GATAD1: variants seen among roughly 807,000 people sequenced by gnomAD.
GATAD1 encodes the protein GATA zinc finger domain containing 1.
In GATAD1, 12 loss-of-function variants were observed where a neutral mutation model predicts 26.5. The ratio of observed to expected loss-of-function variants is 0.45; its 90% CI spans 0.29 to 0.73. The LOEUF (loss-of-function observed/expected upper bound fraction) is 0.73, where lower values mean the gene tolerates loss of function less well. Among genes scored for constraint, GATAD1 ranks in the 30% least tolerant of loss-of-function variants. GATAD1 has a pLI of 0.10. For missense variants in GATAD1, 266 were observed against 342.1 expected (o/e 0.78, Z 1.75); for synonymous variants, 129 against 133.1 (o/e 0.97, Z 0.21).
At chr7:92,460,455 T>G (rs1250321729), downstream of GATAD1, among the ~76,000 whole-genome samples, 1 of 151,414 alleles carries the variant, frequency 6.6e-6, no homozygotes, top group Non-Finnish European at 1.5e-5. Context: ...CCACAAGAGG[T>G]GGGCCATTAA....
At chr7:92,466,595 T>C in the GATAD1 span, among the ~76,000 whole-genome samples, 1 of 152,184 alleles carries the variant, frequency 6.6e-6, no homozygotes, top group African/African-American at 2.4e-5. Context: ...AAAAATTAAA[T>C]GAGAATGTGA....
chr7:92,452,647 G>C lies in GATAD1; in HGVS notation c.436-1855G>C, dbSNP rs185619015. Among the ~76,000 whole-genome samples, 239 of 152,360 alleles carry C rather than the reference G, an allele frequency of 1.6e-3. 3 individuals are homozygous for C. The highest frequency in any genetic ancestry group is 5.6e-3 in the African/African-American group (232 of 41,584). On this transcript the variant is annotated intron_variant, in intron 3 of 4. Coordinates refer to ENST00000287957, the MANE Select transcript of GATAD1 (RefSeq NM_021167.5). ...CTTGAATCCTCTCAGCAAATGAGGA[G>C]ACTACTCAGATCAGTGACTTAGTCC...
At chr7:92,462,988 C>G (rs1460806395), downstream of GATAD1, 5 of 152,174 alleles carry the variant, frequency 3.3e-5, no homozygotes, top group Non-Finnish European at 7.3e-5. Flanking sequence ...AGAAACAACA[C>G]AAGGACCCAT....
the GATAD1 span, chr7:92,489,668 T>A: frequency 1.1e-4 from 173 of 1,551,230 alleles, no homozygotes; most frequent in Admixed American, 1.5e-3. Context: ...GGTGAAACAA[T>A]TTTTAAGAAG....
chr7:92,488,104 T>C, the GATAD1 span, among the ~76,000 whole-genome samples: 3 of 152,218 alleles, frequency 2.0e-5, no homozygotes, highest in Non-Finnish European at 2.9e-5. Flanking sequence ...AGCTACACTA[T>C]AAAATGACAT....
At chr7:92,460,774 C>G, downstream of GATAD1, among the ~76,000 whole-genome samples, 1 of 117,864 alleles carries the variant, frequency 8.5e-6, no homozygotes, top group South Asian at 2.9e-4. Context: ...GAGACCTTCT[C>G]TCAAAAAAAA....
At chr7:92,478,875 C>T in the GATAD1 span, among the ~76,000 whole-genome samples, 4 of 152,340 alleles carry the variant, frequency 2.6e-5, no homozygotes, top group Admixed American at 6.5e-5. Context: ...TCATGGCCCC[C>T]TCCAGATAAT....
Position 92,457,589 on chromosome 7 carries a change from G to A in GATAD1, c.*1027G>A, listed in dbSNP as rs1789735268. The A allele has an allele frequency of 6.6e-6, 1 of 152,184 alleles. No homozygotes were observed. Among genetic ancestry groups the A allele is most frequent in the African/African-American group, 2.4e-5 (1 of 41,438 alleles). The allele number at this position is 152,184 out of a possible 1,614,324, so 9.4% of individuals were successfully genotyped here. A position where few individuals can be genotyped will look rare whatever the true frequency, so the allele number is the denominator to read the frequency against. On this transcript the variant is annotated 3_prime_UTR_variant, in exon 5 of 5. Transcript: ENST00000287957. Reference sequence around the variant, plus strand: ...ATTTCCAGAGAGACCATTAGGAACAGGTAGTATCTATTTTTCTCCATTATT... The same window carrying A: ...ATTTCCAGAGAGACCATTAGGAACAAGTAGTATCTATTTTTCTCCATTATT...
At chr7:92,487,670 T>G in the GATAD1 span, 1 of 472,954 alleles carries the variant, frequency 2.1e-6, no homozygotes, top group Non-Finnish European at 3.7e-6. Context: ...AAAAAAAAAT[T>G]CCAGTCACAG....
the GATAD1 span, chr7:92,469,809 G>C: frequency 1.3e-6 from 1 of 767,960 alleles, no homozygotes; most frequent in African/African-American, 1.7e-5. Context: ...TGAAGTTCAG[G>C]GGGAGGCATA....
Position 92,458,339 on chromosome 7 carries a change from A to G in GATAD1, c.*1777A>G, listed in dbSNP as rs893984226. 1 of 152,196 alleles carries G rather than the reference A, an allele frequency of 6.6e-6. No homozygotes were observed. Among genetic ancestry groups the G allele is most frequent in the African/African-American group, 2.4e-5 (1 of 41,442 alleles). The allele number at this position is 152,196 out of a possible 1,614,324, so 9.4% of individuals were successfully genotyped here. The stretch of plus-strand genomic sequence containing the variant: ...ATGTCGAGATCAGGCTTCCTGCTTG[A>G]TAGTCTCTTGACTACCATTAAAACG... On this transcript the variant is annotated 3_prime_UTR_variant, in exon 5 of 5. Coordinates refer to ENST00000287957, the MANE Select transcript of GATAD1 (RefSeq NM_021167.5).
chr7:92,462,255 T>G (rs553824947), downstream of GATAD1, among the ~76,000 whole-genome samples: 4 of 152,148 alleles, frequency 2.6e-5, no homozygotes, highest in East Asian at 7.7e-4. Context: ...CTAATAGAAT[T>G]TTATGCTGTC....
In GATAD1 at chr7:92,450,764, A is replaced by G; in HGVS notation, c.435+4A>G. 6.3e-7 allele frequency: 1 copy of G among 1,588,278 alleles called. No individual in the cohort carries two copies. The highest frequency in any genetic ancestry group is 8.6e-7 in the Non-Finnish European group (1 of 1,156,540). On this transcript the variant is annotated splice_donor_region_variant and intron_variant, in intron 3 of 4. Transcript: ENST00000287957. The stretch of plus-strand genomic sequence containing the variant: ...TGCAGAATCAATCTTCTACAAGGTA[A>G]GCTTTTGTAGAGTTACTGAAGGAAG...
At chr7:92,483,789 G>A in the GATAD1 span, among the ~76,000 whole-genome samples, 1 of 152,192 alleles carries the variant, frequency 6.6e-6, no homozygotes, top group Non-Finnish European at 1.5e-5. Context: ...CGGACTGAGT[G>A]TGAGGAGAGG....
chr7:92,488,173 G>T, the GATAD1 span, among the ~76,000 whole-genome samples: 1 of 152,138 alleles, frequency 6.6e-6, no homozygotes, highest in Non-Finnish European at 1.5e-5. Flanking sequence ...GATGTATGTG[G>T]ATAAAGGGGG....
chr7:92,487,487 A>C, the GATAD1 span: 10 of 1,596,626 alleles, frequency 6.3e-6, no homozygotes, highest in Non-Finnish European at 8.6e-6. Flanking sequence ...GTCCAGGTCG[A>C]AACATTGTTC....
chr7:92,456,264 AG>A, intron 4 of GATAD1, 107 bp from the exon 5 acceptor site: 1 of 598,636 alleles, frequency 1.7e-6, no homozygotes, highest in East Asian at 2.8e-5. Flanking sequence ...GGCTAATGCC[AG>A]GTTGCTCCCA....
chr7:92,468,192 G>C, the GATAD1 span, among the ~76,000 whole-genome samples: 1 of 152,194 alleles, frequency 6.6e-6, no homozygotes, highest in African/African-American at 2.4e-5. Flanking sequence ...AGCCATGCAG[G>C]AACAATGGCA....
the GATAD1 span, among the ~76,000 whole-genome samples, chr7:92,485,902 T>C: frequency 6.6e-6 from 1 of 152,236 alleles, no homozygotes; most frequent in Non-Finnish European, 1.5e-5. Context: ...AGGAAAAGTA[T>C]GCCCAGAGTT....
Sources: allele counts gnomAD v4.1 joint callset (sites outside exome capture counted in the v4.1 genomes callset), GRCh38; gene constraint gnomAD v4.1.1; transcripts MANE v1.5; gene names NCBI Gene and HGNC (gene_info 2026-07-23, HGNC 2026-07-21).